The following GZMM variants were observed in gnomAD, a reference collection of about 807,000 sequenced individuals.
GZMM encodes the protein HU-Met-1.
In GZMM, 23 loss-of-function variants were observed where a neutral mutation model predicts 19.2. The ratio of observed to expected loss-of-function variants is 1.20; its 90% confidence interval spans 0.86 to 1.69. The LOEUF is 1.69. GZMM is among the 40% of genes most tolerant of loss of function. The pLI is 0.00. For synonymous variants in GZMM, 178 were observed against 160.2 expected, an observed-to-expected ratio of 1.11 and a Z score of -0.84; for missense variants, 373 against 352.2, an observed-to-expected ratio of 1.06 and a Z score of -0.47.
chr19:549,895 A>C lies in GZMM; in HGVS notation c.*104A>C. 1.2e-6 allele frequency: 1 copy of C among 812,212 alleles called. No homozygotes were observed. The highest frequency in any genetic ancestry group is 1.7e-5 in the South Asian group (1 of 60,100). The allele number at this position is 812,212 out of a possible 1,614,324, so 50.3% of individuals were successfully genotyped here. A position where few individuals can be genotyped will look rare whatever the true frequency, so the allele number is the denominator to read the frequency against. ...CGGGTGGGAGGGACAGGGAGGGACC[A>C]ATAAATCATAATGAAGAAACGCTCA... On this transcript the variant is annotated 3_prime_UTR_variant, in exon 5 of 5. Coordinates refer to ENST00000264553, the MANE Select transcript of GZMM (RefSeq NM_005317.4).
chr19:547,172 A>G, intron 1 of GZMM, 108 bp from the exon 2 acceptor site: 3 of 1,050,632 alleles, frequency 2.9e-6, no homozygotes, highest in Non-Finnish European at 3.9e-6. Flanking sequence ...CTTCATTAGG[A>G]TGGCACATCT....
intron 4 of GZMM, 135 bp downstream of exon 4, chr19:549,320 G>A: frequency 1.1e-6 from 1 of 934,400 alleles, no homozygotes; most frequent in Non-Finnish European, 1.6e-6. Flanking sequence ...GGAAGCACTG[G>A]CAGGGGTCCC....
chr19:548,785 G>GCCCCTCCCCCCGCACTACTGC (rs1387875589), intron 3 of GZMM, 108 bp downstream of exon 3: 2 of 611,676 alleles, frequency 3.3e-6, no homozygotes, highest in Non-Finnish European at 5.0e-6. Context: ...CCGCACTGCT[G>GCCCCTCCCCCCGCACTACTGC]CCCCTCCCCC....
At chr19:549,509 A>G (rs12459388) in intron 4 of GZMM, 121 bp from the exon 5 acceptor site, 131,681 of 1,025,600 alleles carry the variant, frequency 0.13, 16,916 homozygotes, top group African/African-American at 0.42. Context: ...GGCCGGGAGC[A>G]GCCCCTGTGT....
chr19:544,688 T>G (rs1449451396), intron 1 of GZMM, among the ~76,000 whole-genome samples: 2 of 150,920 alleles, frequency 1.3e-5, no homozygotes, highest in African/African-American at 2.4e-5. Flanking sequence ...TTTATTTCCT[T>G]CCACCCATGG....
chr19:546,913 G>C (rs577207954), intron 1 of GZMM, among the ~76,000 whole-genome samples: 191 of 152,036 alleles, frequency 1.3e-3, no homozygotes, highest in African/African-American at 4.3e-3. Context: ...CGAACTCCTG[G>C]CCTCAAGTGA....
At chr19:545,787 A>G (rs906413029) in intron 1 of GZMM, among the ~76,000 whole-genome samples, 5 of 151,722 alleles carry the variant, frequency 3.3e-5, no homozygotes, top group Non-Finnish European at 5.9e-5. Context: ...GAGATTACAG[A>G]TGCCCGCCAC....
In GZMM at chr19:547,322, TC is replaced by T; in HGVS notation, c.103del (p.His35ThrfsTer28). 1.3e-6 allele frequency: 2 copies of T among 1,572,698 alleles called. No individual in the cohort carries two copies. The highest frequency in any genetic ancestry group is 1.2e-5 in the South Asian group (1 of 86,094). On this transcript the variant is annotated frameshift_variant, in exon 2 of 5. Transcript: ENST00000264553. LOFTEE classifies it high-confidence loss of function. ...GTQIIGGREV[I>X]PHSRPYMASL... ...CAGATCATCGGGGGCCGGGAGGTGATCCCCCACTCGCGCCCGTACATGGCCT... is the reference window on the plus strand; with the variant it reads ...CAGATCATCGGGGGCCGGGAGGTGATCCCCACTCGCGCCCGTACATGGCCT...
chr19:546,822 A>C (rs1476670949), intron 1 of GZMM, among the ~76,000 whole-genome samples: 7 of 150,528 alleles, frequency 4.7e-5, no homozygotes, highest in South Asian at 2.1e-4. Context: ...TGGGTGACAG[A>C]GCGAGACTCT....
In GZMM at chr19:549,800, G is replaced by T; in HGVS notation, c.*9G>T. On this transcript the variant is annotated 3_prime_UTR_variant, in exon 5 of 5. Transcript: ENST00000264553. ...CCGGCCGATCGGCCTGATGCCCTGGGGTGATGGGGACCCCCTCGCTGTCTC... is the reference window on the plus strand; with the variant it reads ...CCGGCCGATCGGCCTGATGCCCTGGTGTGATGGGGACCCCCTCGCTGTCTC... 1 of 1,609,262 alleles carries T rather than the reference G, an allele frequency of 6.2e-7. No individual in the cohort carries two copies. The highest frequency in any genetic ancestry group is 8.5e-7 in the Non-Finnish European group (1 of 1,179,184).
chr19:549,194 C>T lies in GZMM; in HGVS notation c.612+9C>T, dbSNP rs551454214. On this transcript the variant is annotated intron_variant, in intron 4 of 4. Transcript: ENST00000264553. Reference sequence around the variant, plus strand: ...ACCAGGCTCCCTGCAAGGTGAGGGGCGCCCGGGTGGGGCTGGGGGAATGAG... The same window carrying T: ...ACCAGGCTCCCTGCAAGGTGAGGGGTGCCCGGGTGGGGCTGGGGGAATGAG... 30 of 1,561,424 alleles carry T rather than the reference C, an allele frequency of 1.9e-5. No individual in the cohort carries two copies. The highest frequency in any genetic ancestry group is 1.1e-4 in the African/African-American group (8 of 74,162).
chr19:549,203 G>C lies in GZMM; in HGVS notation c.612+18G>C. ...CCTGCAAGGTGAGGGGCGCCCGGGT[G>C]GGGCTGGGGGAATGAGGCTGGCGGG... On this transcript the variant is annotated intron_variant, in intron 4 of 4. Transcript: ENST00000264553. 4.5e-6 allele frequency: 7 copies of C among 1,554,034 alleles called. No individual in the cohort carries two copies. The highest frequency in any genetic ancestry group is 5.2e-6 in the Non-Finnish European group (6 of 1,147,858).
intron 3 of GZMM, 103 bp from the exon 4 acceptor site, chr19:548,819 T>G: frequency 1.1e-5 from 3 of 266,522 alleles, no homozygotes; most frequent in Non-Finnish European, 6.8e-6. Flanking sequence ...CCTCCCCCAT[T>G]GCCCACCCTC....
In GZMM at chr19:549,198, C is replaced by CG; in HGVS notation, c.612+16dup. 6.4e-7 allele frequency: 1 copy of CG among 1,557,076 alleles called. No homozygotes were observed. Among genetic ancestry groups the CG allele is most frequent in the Non-Finnish European group, 8.7e-7 (1 of 1,150,106 alleles). On this transcript the variant is annotated intron_variant, in intron 4 of 4. Coordinates refer to ENST00000264553, the MANE Select transcript of GZMM (RefSeq NM_005317.4). ...GGCTCCCTGCAAGGTGAGGGGCGCC[C>CG]GGGTGGGGCTGGGGGAATGAGGCTG...
chr19:549,869 A>C lies in GZMM; in HGVS notation c.*78A>C. On this transcript the variant is annotated 3_prime_UTR_variant, in exon 5 of 5. Coordinates refer to ENST00000264553, the MANE Select transcript of GZMM (RefSeq NM_005317.4). ...CAGGGGTGCAGTGGGGTGGGTGAGG[A>C]CGGGTGGGAGGGACAGGGAGGGACC... The C allele has an allele frequency of 7.8e-6, 4 of 514,902 alleles. No homozygotes were observed. Among genetic ancestry groups the C allele is most frequent in the Non-Finnish European group, 7.4e-6 (2 of 271,634 alleles). The allele number at this position is 514,902 out of a possible 1,614,324, so 31.9% of individuals were successfully genotyped here. A position where few individuals can be genotyped will look rare whatever the true frequency, so the allele number is the denominator to read the frequency against.
chr19:548,825 C>T, intron 3 of GZMM, 97 bp from the exon 4 acceptor site: 1 of 428,478 alleles, frequency 2.3e-6, no homozygotes, highest in African/African-American at 2.7e-5. Flanking sequence ...CCATTGCCCA[C>T]CCTCCCCCCA....
intron 1 of GZMM, among the ~76,000 whole-genome samples, chr19:547,054 A>G (rs62132576): frequency 0.9 from 122,131 of 135,944 alleles, 55,168 homozygotes; most frequent in South Asian, 0.98. Context: ...TGGAGAGGGG[A>G]TTGGGAGGTG....
At chr19:544,584 A>C (rs2145856965) in intron 1 of GZMM, among the ~76,000 whole-genome samples, 1 of 152,212 alleles carries the variant, frequency 6.6e-6, no homozygotes, top group South Asian at 2.1e-4. Context: ...TTCCAGCTGG[A>C]CTGAGTGACA....
chr19:549,627 C>T lies in GZMM; in HGVS notation c.613-3C>T, dbSNP rs756238054. 1.9e-6 allele frequency: 3 copies of T among 1,610,322 alleles called. No individual in the cohort carries two copies. The highest frequency in any genetic ancestry group is 1.7e-5 in the Admixed American group (1 of 59,964). On this transcript the variant is annotated splice_region_variant and splice_polypyrimidine_tract_variant and intron_variant, in intron 4 of 4. Coordinates refer to ENST00000264553, the MANE Select transcript of GZMM (RefSeq NM_005317.4). ...GCTGAGCTGCGGTGTGTCGTCCCTG[C>T]AGGGTGACTCGGGCGGGCCCCTGGT...
Sources: allele counts gnomAD v4.1 joint callset (sites outside exome capture counted in the v4.1 genomes callset), GRCh38; gene constraint gnomAD v4.1.1; transcripts MANE v1.5; gene names NCBI Gene and HGNC (gene_info 2026-07-23, HGNC 2026-07-21).